Variants in NRXN1 observed in about 807,000 individuals in gnomAD.
The protein encoded by NRXN1 is neurexin 1.
A neutral mutation model predicts 150.9 loss-of-function variants in NRXN1; 39 were observed. The observed-to-expected ratio is 0.26, with a 90% CI of 0.20 to 0.34. NRXN1 has a LOEUF of 0.34. Ranked by LOEUF, NRXN1 falls within the 10% of genes least tolerant of loss-of-function variation. The probability of loss-of-function intolerance (pLI) is 1.00; values close to 1 mark genes in which losing one functional copy is unlikely to be tolerated. For synonymous variants in NRXN1, 924 were observed against 757.0 expected (o/e 1.22, Z -3.62); for missense variants, 1,815 against 1,949.9 (o/e 0.93, Z 1.30).
chr2:50,984,237 G>A (rs1359347962), intron 2 of NRXN1, among the ~76,000 whole-genome samples: 3 of 146,434 alleles, frequency 2.0e-5, no homozygotes, highest in South Asian at 2.1e-4. Context: ...CACCCACGTC[G>A]GCCTCCCAAA....
At chr2:50,806,386 TATAAC>T (rs1258048776) in intron 5 of NRXN1, among the ~76,000 whole-genome samples, 1 of 152,208 alleles carries the variant, frequency 6.6e-6, no homozygotes, top group Non-Finnish European at 1.5e-5. Flanking sequence ...TAAACCCCAT[TATAAC>T]ATATACTTTA....
At chr2:50,391,439 C>A (rs1234987438) in intron 17 of NRXN1, among the ~76,000 whole-genome samples, 1 of 152,004 alleles carries the variant, frequency 6.6e-6, no homozygotes, top group African/African-American at 2.4e-5. Flanking sequence ...TAAAAATAAT[C>A]TTCTTGGGAA....
intron 12 of NRXN1, among the ~76,000 whole-genome samples, chr2:50,514,852 C>T (rs1189948401): frequency 2.0e-5 from 3 of 152,142 alleles, no homozygotes; most frequent in African/African-American, 7.2e-5. Context: ...GCGAGGAAAC[C>T]TGAGTTTTAG....
At chr2:50,912,082 T>C (rs1684605972) in intron 5 of NRXN1, 1 of 151,820 alleles carries the variant, frequency 6.6e-6, no homozygotes, top group African/African-American at 2.4e-5. Flanking sequence ...GTTGTACATG[T>C]CACTGCAAGG....
chr2:50,298,291 G>T (rs2073820090), intron 17 of NRXN1, among the ~76,000 whole-genome samples: 1 of 152,204 alleles, frequency 6.6e-6, no homozygotes, highest in Admixed American at 6.5e-5. Flanking sequence ...AAATTGAATA[G>T]AAATATGAAT....
At chr2:50,152,459 C>A (rs1313599929) in intron 18 of NRXN1, among the ~76,000 whole-genome samples, 3 of 151,596 alleles carry the variant, frequency 2.0e-5, no homozygotes, top group Non-Finnish European at 4.4e-5. Flanking sequence ...GTTCCAAGGC[C>A]CCCAGTGCAC....
chr2:50,278,412 A>G (rs190032223), intron 17 of NRXN1, among the ~76,000 whole-genome samples: 2 of 148,178 alleles, frequency 1.3e-5, no homozygotes, highest in East Asian at 2.0e-4. Context: ...TTGGCCTCCC[A>G]AAGTGCTGGG....
At chr2:50,216,031 A>C (rs1031799935) in intron 18 of NRXN1, among the ~76,000 whole-genome samples, 2 of 152,044 alleles carry the variant, frequency 1.3e-5, no homozygotes, top group African/African-American at 2.4e-5. Flanking sequence ...GGAGTGAAGC[A>C]AAGAAAAGAT....
chr2:50,450,190 T>C (rs1327398756), intron 17 of NRXN1, among the ~76,000 whole-genome samples: 2 of 152,172 alleles, frequency 1.3e-5, no homozygotes, highest in South Asian at 2.1e-4. Flanking sequence ...TGAAATGCTC[T>C]TCCTGCTTCT....
At chr2:50,826,967 G>A (rs993800538) in intron 5 of NRXN1, among the ~76,000 whole-genome samples, 14 of 152,204 alleles carry the variant, frequency 9.2e-5, no homozygotes, top group African/African-American at 3.1e-4. Context: ...CAACAGAGCA[G>A]AAGTCAGCAA....
At chr2:50,446,620 T>C (rs2104493037) in intron 17 of NRXN1, among the ~76,000 whole-genome samples, 1 of 151,198 alleles carries the variant, frequency 6.6e-6, no homozygotes, top group South Asian at 2.1e-4. Context: ...TTTTCTTTGT[T>C]CCTTCCTTCC....
intron 21 of NRXN1, among the ~76,000 whole-genome samples, chr2:50,012,750 A>G (rs551967081): frequency 6.6e-6 from 1 of 152,302 alleles, no homozygotes; most frequent in South Asian, 2.1e-4. Context: ...TAAAAACAAG[A>G]AAAAGAAGTA....
At chr2:50,517,642 G>C (rs1232289697) in intron 12 of NRXN1, among the ~76,000 whole-genome samples, 3 of 152,066 alleles carry the variant, frequency 2.0e-5, no homozygotes, top group Non-Finnish European at 4.4e-5. Context: ...TTTTCGCTCA[G>C]TTACATTGAA....
intron 17 of NRXN1, among the ~76,000 whole-genome samples, chr2:50,246,157 T>G (rs1339388468): frequency 6.6e-6 from 1 of 151,998 alleles, no homozygotes; most frequent in Non-Finnish European, 1.5e-5. Flanking sequence ...GTATCTGCAA[T>G]GCTTTATTGT....
chr2:50,973,733 A>G (rs1695386141), intron 2 of NRXN1, among the ~76,000 whole-genome samples: 1 of 152,144 alleles, frequency 6.6e-6, no homozygotes, highest in Non-Finnish European at 1.5e-5. Flanking sequence ...ATTCATTCCT[A>G]GTAGGTAGAA....
rs758678656 is a variant in NRXN1 at position 50,472,415 on chromosome 2, C to G, written c.3127G>C (p.Val1043Leu). 6.2e-7 allele frequency: 1 copy of G among 1,612,216 alleles called. No homozygotes were observed. The highest frequency in any genetic ancestry group is 8.5e-7 in the Non-Finnish European group (1 of 1,178,838). ...CCTTGAAAGCCTTCTTTGGCATGTA[C>G]AAGTTTTGGTAAGGATTTGTATGTT... is the stretch of plus-strand genomic sequence containing the variant. ...KETYKSLPKL[V>L]HAKEGFQGCL... The change falls in exon 16 of 23, where the codon GTA (valine) becomes CTA (leucine). Residue 1043 changes from valine (V) to leucine (L), a missense_variant. Physicochemically the swap from Val to Leu is conservative, Grantham distance 32 (BLOSUM62 1). Around this residue, in one of 6 missense-constraint regions of NRXN1, gnomAD observed 339 missense variants for 440.3 expected, o/e 0.77. Transcript: ENST00000401669.
At chr2:50,412,433 TAC>T (rs1464250031) in intron 17 of NRXN1, among the ~76,000 whole-genome samples, 1 of 152,080 alleles carries the variant, frequency 6.6e-6, no homozygotes, top group Non-Finnish European at 1.5e-5. Flanking sequence ...AAGGGTTATA[TAC>T]CAGGGCAAAA....
chr2:50,540,057 C>T (rs905391891), intron 9 of NRXN1, among the ~76,000 whole-genome samples: 42 of 152,162 alleles, frequency 2.8e-4, no homozygotes, highest in Non-Finnish European at 1.0e-4. Flanking sequence ...TGGGATCTGT[C>T]TTTGTCAGGG....
intron 18 of NRXN1, among the ~76,000 whole-genome samples, chr2:50,186,563 C>A (rs911938015): frequency 6.6e-6 from 1 of 151,962 alleles, no homozygotes; most frequent in African/African-American, 2.4e-5. Context: ...CTTTTCATCA[C>A]CAAATGTCTC....
Sources: allele counts gnomAD v4.1 joint callset (sites outside exome capture counted in the v4.1 genomes callset), GRCh38; gene constraint gnomAD v4.1.1; regional missense constraint gnomAD v4.1.1; transcripts MANE v1.5; gene names NCBI Gene and HGNC (gene_info 2026-07-23, HGNC 2026-07-21).